Variants in NDUFAF6 observed in about 807,000 individuals in gnomAD.
The protein encoded by NDUFAF6 is NADH:ubiquinone oxidoreductase complex assembly factor 6.
A neutral mutation model predicts 40.8 loss-of-function variants in NDUFAF6; 45 were observed. That is an observed-to-expected ratio of 1.10 (90% confidence interval 0.87 to 1.42). The LOEUF (loss-of-function observed/expected upper bound fraction) is 1.42. NDUFAF6 is among the 40% of genes most tolerant of loss of function. The probability of loss-of-function intolerance (pLI) is 0.00; values close to 1 mark genes in which losing one functional copy is unlikely to be tolerated. For missense variants in NDUFAF6, 435 were observed against 418.5 expected (o/e 1.04, Z -0.34); for synonymous variants, 185 against 155.9 (o/e 1.19, Z -1.39).
intron 1 of NDUFAF6, among the ~76,000 whole-genome samples, chr8:95,029,755 A>C (rs887399315): frequency 6.6e-6 from 1 of 152,174 alleles, no homozygotes; most frequent in Admixed American, 6.5e-5. Flanking sequence ...TTCTCTTGAC[A>C]TGCATTTTTG....
At chr8:94,973,492 A>G (rs1052870359) in intron 1 of NDUFAF6, among the ~76,000 whole-genome samples, 2 of 152,084 alleles carry the variant, frequency 1.3e-5, no homozygotes, top group Admixed American at 6.6e-5. Context: ...GCAGATCACG[A>G]GGTCAGGAGA....
intron 2 of NDUFAF6, among the ~76,000 whole-genome samples, chr8:94,998,978 G>A (rs1262149517): frequency 6.6e-6 from 1 of 151,888 alleles, no homozygotes; most frequent in East Asian, 1.9e-4. Context: ...CAAACTTCTT[G>A]ACCACAATCC....
intron 1 of NDUFAF6, chr8:94,940,060 T>G (rs1379873406): frequency 6.2e-7 from 1 of 1,614,232 alleles, no homozygotes; most frequent in African/African-American, 1.3e-5. Flanking sequence ...TCTCCTCCAT[T>G]GGACATGACT....
chr8:95,046,046 A>ATTTTT (rs1231880886), intron 5 of NDUFAF6, among the ~76,000 whole-genome samples: 399 of 148,434 alleles, frequency 2.7e-3, no homozygotes, highest in African/African-American at 9.3e-3. Context: ...ATTTTATTTT[A>ATTTTT]TTTTATTTTA....
intron 1 of NDUFAF6, among the ~76,000 whole-genome samples, chr8:95,027,290 C>G (rs959583593): frequency 6.6e-6 from 1 of 151,838 alleles, no homozygotes; most frequent in East Asian, 1.9e-4. Flanking sequence ...CTTTAAGATT[C>G]CATGTTGGCT....
chr8:95,100,282 A>G (rs1027121639), upstream of NDUFAF6: 1 of 152,224 alleles, frequency 6.6e-6, no homozygotes, highest in East Asian at 1.9e-4. Flanking sequence ...AAAATTAAAT[A>G]AATAGAACAA....
intron 1 of NDUFAF6, chr8:94,896,658 C>T (rs867629700): frequency 6.6e-6 from 1 of 152,078 alleles, no homozygotes; most frequent in Non-Finnish European, 1.5e-5. Context: ...CGGGCCGCGC[C>T]GGGGAGACGG....
intron 1 of NDUFAF6, among the ~76,000 whole-genome samples, chr8:94,944,663 A>AT (rs906529995): frequency 2.0e-5 from 3 of 152,310 alleles, no homozygotes; most frequent in African/African-American, 7.2e-5. Flanking sequence ...TGGTGTTTAC[A>AT]TGGCACATCT....
At chr8:95,017,099 A>AT (rs781650429) in intron 2 of NDUFAF6, among the ~76,000 whole-genome samples, 3,827 of 111,748 alleles carry the variant, frequency 0.034, 175 homozygotes, top group African/African-American at 0.1. Context: ...TGCCCAGCTA[A>AT]TTTTTTTTTT....
intron 1 of NDUFAF6, chr8:94,930,526 T>G: frequency 6.2e-7 from 1 of 1,614,242 alleles, no homozygotes; most frequent in Non-Finnish European, 8.5e-7. Flanking sequence ...ACCCAGCCAT[T>G]GTGCTTGACT....
At position 94,973,855 on chromosome 8, in the gene NDUFAF6, T is replaced by TA. The variant is rs754972680; in HGVS notation, c.-198-6987dup. The stretch of plus-strand genomic sequence containing the variant: ...GGCAACACAGCAAGACCCCTGTCTC[T>TA]AAAAAAAAAAAAAAAAAGGCCCTCC... On this transcript the variant is annotated intron_variant, in intron 1 of 9. Transcript: ENST00000396111. Among the ~76,000 whole-genome samples, 905 of 125,316 alleles carry TA rather than the reference T, an allele frequency of 7.2e-3. 6 individuals are homozygous for TA. Among genetic ancestry groups the TA allele is most frequent in the African/African-American group, 8.7e-3 (295 of 33,940 alleles). The allele number at this position is 125,316 out of a possible 152,430, so 82.2% of individuals were successfully genotyped here. A position where few individuals can be genotyped will look rare whatever the true frequency, so the allele number is the denominator to read the frequency against.
At chr8:95,084,627 A>G (rs1007584792) in intron 2 of NDUFAF6, among the ~76,000 whole-genome samples, 3 of 152,214 alleles carry the variant, frequency 2.0e-5, no homozygotes, top group African/African-American at 4.8e-5. Flanking sequence ...TTGGGTACCA[A>G]TTCCATGGCT....
chr8:95,110,301 A>G (rs1809963561), intron 4 of NDUFAF6, among the ~76,000 whole-genome samples: 1 of 152,250 alleles, frequency 6.6e-6, no homozygotes, highest in South Asian at 2.1e-4. Context: ...GCAACTGTCA[A>G]GATGCCTTTG....
intron 1 of NDUFAF6, among the ~76,000 whole-genome samples, chr8:95,028,507 T>C (rs999229824): frequency 6.6e-6 from 1 of 152,196 alleles, no homozygotes; most frequent in African/African-American, 2.4e-5. Context: ...AAAATTTCCA[T>C]CCAAAATTTA....
chr8:94,901,360 T>TTGGTTTG (rs1445419686), intron 1 of NDUFAF6, among the ~76,000 whole-genome samples: 2 of 150,650 alleles, frequency 1.3e-5, no homozygotes, highest in African/African-American at 2.4e-5. Context: ...AGGGAAGGGG[T>TTGGTTTG]TAGTTTGTGG....
At chr8:94,905,875 G>T (rs931000698) in intron 1 of NDUFAF6, among the ~76,000 whole-genome samples, 5 of 152,180 alleles carry the variant, frequency 3.3e-5, no homozygotes, top group Non-Finnish European at 7.3e-5. Flanking sequence ...TACTGTGCTG[G>T]TTTGGGGGTG....
chr8:95,024,932 G>A (rs947539011), upstream of NDUFAF6: 3 of 1,209,274 alleles, frequency 2.5e-6, no homozygotes, highest in East Asian at 9.6e-5. Flanking sequence ...AGGAGCATAG[G>A]GGAACCTGCA....
At chr8:95,010,113 G>A (rs568382022) in intron 2 of NDUFAF6, among the ~76,000 whole-genome samples, 1 of 152,026 alleles carries the variant, frequency 6.6e-6, no homozygotes, top group East Asian at 1.9e-4. Context: ...TTTTGAGATG[G>A]AGTTTCACTC....
At position 95,052,199 on chromosome 8, in the gene NDUFAF6, C is replaced by T. The variant is rs1231712550; in HGVS notation, c.842C>T (p.Pro281Leu). Reference protein sequence around the residue: ...KHARSFHKTVPVKAFPAFLQT... With the variant: ...KHARSFHKTVLVKAFPAFLQT... ...GCTAGGTCCTTTCACAAAACTGTTC[C>T]TGTGAAAGCATTTCCTGCTTTTCTT... Residue 281 changes from proline to leucine, a missense_variant, in exon 8 of 9, where the codon CCT becomes CTT. Physicochemically the swap from Pro to Leu is moderately conservative, Grantham distance 98. Coordinates refer to ENST00000396124, the MANE Select transcript of NDUFAF6 (RefSeq NM_152416.4). The T allele has an allele frequency of 8.7e-6, 14 of 1,614,086 alleles. No individual in the cohort carries two copies. Among genetic ancestry groups the T allele is most frequent in the Non-Finnish European group, 1.2e-5 (14 of 1,179,992 alleles).
Sources: allele counts gnomAD v4.1 joint callset (sites outside exome capture counted in the v4.1 genomes callset), GRCh38; gene constraint gnomAD v4.1.1; transcripts MANE v1.5; gene names NCBI Gene and HGNC (gene_info 2026-07-23, HGNC 2026-07-21).